The following AOX1 variants were observed in gnomAD, a reference collection of about 807,000 sequenced individuals.
AOX1 encodes aldehyde oxidase.
A neutral mutation model predicts 169.5 loss-of-function variants in AOX1; 153 were observed. The observed-to-expected ratio is 0.90, with a 90% CI of 0.79 to 1.03. AOX1 has a LOEUF of 1.03. AOX1 is among the 50% of genes least tolerant of loss of function. AOX1 has a pLI of 0.00. For missense variants in AOX1, 1,656 were observed against 1,663.9 expected, an observed-to-expected ratio of 1.00 and a Z score of 0.08; for synonymous variants, 562 against 581.9, an observed-to-expected ratio of 0.97 and a Z score of 0.49.
At chr2:200,663,600 CCT>C (rs1491535159) in intron 31 of AOX1, among the ~76,000 whole-genome samples, 7 of 120,774 alleles carry the variant, frequency 5.8e-5, no homozygotes, top group Non-Finnish European at 1.1e-4. Context: ...TCTCTCTCCC[CCT>C]CTTTCTGTCT....
chr2:200,630,190 G>A (rs867494410), intron 20 of AOX1, among the ~76,000 whole-genome samples: 2 of 121,460 alleles, frequency 1.6e-5, no homozygotes, highest in South Asian at 2.7e-4. Flanking sequence ...CCCGGTCAAT[G>A]TAGCAAGACT....
chr2:200,638,780 G>A (rs1166193017), intron 23 of AOX1, among the ~76,000 whole-genome samples: 1 of 152,166 alleles, frequency 6.6e-6, no homozygotes, highest in Non-Finnish European at 1.5e-5. Context: ...GTAGAAAATA[G>A]TGATTCTTTT....
At chr2:200,672,076 T>C (rs1416423175), downstream of AOX1, among the ~76,000 whole-genome samples, 1 of 152,208 alleles carries the variant, frequency 6.6e-6, no homozygotes, top group Non-Finnish European at 1.5e-5. Flanking sequence ...ATTCCATCTA[T>C]ACAAAATGTC....
intron 23 of AOX1, 49 bp downstream of exon 23, chr2:200,638,351 T>C: frequency 6.5e-7 from 1 of 1,540,642 alleles, no homozygotes; most frequent in Non-Finnish European, 9.0e-7. Context: ...AGATACAACA[T>C]CCTATCAGTG....
intron 6 of AOX1, among the ~76,000 whole-genome samples, chr2:200,602,929 A>G (rs747188317): frequency 6.6e-6 from 1 of 152,252 alleles, no homozygotes; most frequent in Non-Finnish European, 1.5e-5. Context: ...AGTGATGACA[A>G]TAACAATACC....
rs1480037844 is a variant in AOX1 at position 200,669,259 on chromosome 2, C to T, written c.3799-316C>T. On this transcript the variant is annotated intron_variant, in intron 33 of 34. Coordinates refer to ENST00000374700, the MANE Select transcript of AOX1 (RefSeq NM_001159.4). ...AAGAGTTCGAGACCAGCCTGGCCAA[C>T]CTAGTGAAACCCCATCTCTGCTAAA... is the stretch of plus-strand genomic sequence containing the variant. 2.6e-5 allele frequency among the ~76,000 whole-genome samples: 4 copies of T among 152,152 alleles called. No individual in the cohort carries two copies. The East Asian group carries it at 7.7e-4, about 29-fold the overall frequency.
At chr2:200,594,612 CT>C (rs1372781727) in intron 2 of AOX1, among the ~76,000 whole-genome samples, 1 of 152,158 alleles carries the variant, frequency 6.6e-6, no homozygotes, top group Non-Finnish European at 1.5e-5. Flanking sequence ...AGAAGCACCC[CT>C]CTCCTTTTAA....
At chr2:200,674,640 C>T (rs2036072157), downstream of AOX1, among the ~76,000 whole-genome samples, 1 of 152,322 alleles carries the variant, frequency 6.6e-6, no homozygotes, top group Non-Finnish European at 1.5e-5. Flanking sequence ...CAGTGCTCAC[C>T]CAATGGTGTC....
chr2:200,598,135 G>C (rs1379950958), intron 4 of AOX1, among the ~76,000 whole-genome samples: 1 of 151,564 alleles, frequency 6.6e-6, no homozygotes, highest in African/African-American at 2.4e-5. Flanking sequence ...AAGAGGGAGA[G>C]AGGAGGGAGG....
chr2:200,674,805 C>A (rs112710109), downstream of AOX1, among the ~76,000 whole-genome samples: 474 of 152,310 alleles, frequency 3.1e-3, 3 homozygotes, highest in African/African-American at 0.011. Context: ...CATTTGGTGG[C>A]AAATTGACTA....
intron 31 of AOX1, among the ~76,000 whole-genome samples, chr2:200,665,622 G>A (rs967180085): frequency 2.0e-5 from 3 of 152,126 alleles, no homozygotes; most frequent in Admixed American, 2.0e-4. Context: ...AGTAGAGACG[G>A]CATTTCACCA....
rs928069135 is a variant in AOX1, at chr2:200,604,191, C to G, written c.669+94C>G. On this transcript the variant is annotated intron_variant, in intron 8 of 34. Transcript: ENST00000374700. ...ATGGGTTCTCTCAAAAGCTGATTGG[C>G]AAATAGGTGAGGCCTCTCTGTCATC... 3 of 911,916 alleles carry G rather than the reference C, an allele frequency of 3.3e-6. No homozygotes were observed. In the Admixed American group the frequency reaches 5.6e-5, roughly 17 times the overall value. The allele number at this position is 911,916 out of a possible 1,614,324, so 56.5% of individuals were successfully genotyped here. A position where few individuals can be genotyped will look rare whatever the true frequency, so the allele number is the denominator to read the frequency against.
At chr2:200,664,739 T>C (rs1182059503) in intron 31 of AOX1, among the ~76,000 whole-genome samples, 5 of 152,248 alleles carry the variant, frequency 3.3e-5, no homozygotes, top group Non-Finnish European at 2.9e-5. Flanking sequence ...TTCTCAGCCA[T>C]TCTCCTGTTG....
At chr2:200,616,211 A>G in intron 16 of AOX1, 148 bp downstream of exon 16, 3 of 607,948 alleles carry the variant, frequency 4.9e-6, no homozygotes, top group Non-Finnish European at 8.8e-6. Context: ...GGGTAACTAA[A>G]ATTCCAAAAT....
chr2:200,633,356 C>G (rs1276378113), intron 20 of AOX1, among the ~76,000 whole-genome samples: 1 of 152,012 alleles, frequency 6.6e-6, no homozygotes, highest in Non-Finnish European at 1.5e-5. Context: ...TTGTTATAGC[C>G]AATGGGTTCC....
intron 10 of AOX1, among the ~76,000 whole-genome samples, chr2:200,608,705 C>T (rs2034566940): frequency 6.7e-6 from 1 of 148,694 alleles, no homozygotes; most frequent in African/African-American, 2.5e-5. Context: ...ATCAACACCA[C>T]TTACATCACT....
chr2:200,616,316 C>T lies in AOX1; in HGVS notation c.1704+253C>T, dbSNP rs34303220. Among the ~76,000 whole-genome samples, 106 of 152,314 alleles carry T rather than the reference C, an allele frequency of 7.0e-4. No individual in the cohort carries two copies. In the East Asian group the frequency reaches 0.02, roughly 29 times the overall value. ...AAAGGTTACGTGCTTTGCACTGTGG[C>T]CTTGTACCACAGACACGCATGAGAT... On this transcript the variant is annotated intron_variant, in intron 16 of 34. Transcript: ENST00000374700.
intron 20 of AOX1, among the ~76,000 whole-genome samples, chr2:200,631,090 T>C (rs552402640): frequency 8.5e-5 from 13 of 152,314 alleles, no homozygotes; most frequent in African/African-American, 2.9e-4. Flanking sequence ...CATCAGGTCT[T>C]AGAATGCGTT....
downstream of AOX1, among the ~76,000 whole-genome samples, chr2:200,674,288 G>A (rs1459593204): frequency 6.6e-6 from 1 of 152,214 alleles, no homozygotes; most frequent in African/African-American, 2.4e-5. Flanking sequence ...CCTCTTAGAG[G>A]TGGCAAGGGG....
Sources: allele counts gnomAD v4.1 joint callset (sites outside exome capture counted in the v4.1 genomes callset), GRCh38; gene constraint gnomAD v4.1.1; transcripts MANE v1.5; gene names NCBI Gene and HGNC (gene_info 2026-07-23, HGNC 2026-07-21).